Variants in AFG2A observed in about 807,000 individuals in gnomAD.
AFG2A encodes ATPase family gene 2 protein homolog A.
chr4:123,039,924 T>G, the AFG2A span, among the ~76,000 whole-genome samples: 1 of 152,124 alleles, frequency 6.6e-6, no homozygotes, highest in Non-Finnish European at 1.5e-5. Context: ...ACTTATTTCT[T>G]TGACTAGCCC....
chr4:123,295,493 T>C, the AFG2A span, among the ~76,000 whole-genome samples: 1 of 152,238 alleles, frequency 6.6e-6, no homozygotes, highest in Non-Finnish European at 1.5e-5. Context: ...TAAACTATGC[T>C]CCTATAAAAG....
At chr4:123,082,669 T>C in the AFG2A span, among the ~76,000 whole-genome samples, 1 of 152,128 alleles carries the variant, frequency 6.6e-6, no homozygotes, top group African/African-American at 2.4e-5. Context: ...CCTCTCAGTA[T>C]AAACTTTATA....
At chr4:123,068,251 A>G in the AFG2A span, among the ~76,000 whole-genome samples, 1 of 152,004 alleles carries the variant, frequency 6.6e-6, no homozygotes, top group Non-Finnish European at 1.5e-5. Flanking sequence ...TGAAGCTTTG[A>G]AAGTCAGCCA....
At chr4:123,044,264 T>C in the AFG2A span, among the ~76,000 whole-genome samples, 1 of 152,266 alleles carries the variant, frequency 6.6e-6, no homozygotes, top group South Asian at 2.1e-4. Context: ...GTGGCTCTGG[T>C]GGTGGGTATT....
At chr4:123,015,382 G>A in the AFG2A span, among the ~76,000 whole-genome samples, 21 of 151,756 alleles carry the variant, frequency 1.4e-4, no homozygotes, top group Admixed American at 1.0e-3. Context: ...GAGTGGTGAT[G>A]ACTCTTAACG....
At chr4:123,055,091 A>G in the AFG2A span, among the ~76,000 whole-genome samples, 2 of 152,170 alleles carry the variant, frequency 1.3e-5, no homozygotes, top group African/African-American at 4.8e-5. Context: ...ATTGATTGCC[A>G]CAATCTCCCT....
the AFG2A span, among the ~76,000 whole-genome samples, chr4:123,004,145 T>G: frequency 2.6e-5 from 4 of 152,334 alleles, no homozygotes; most frequent in African/African-American, 9.6e-5. Flanking sequence ...GTGCGCCGTT[T>G]CCTAAGCCCG....
At chr4:123,075,695 C>T in the AFG2A span, among the ~76,000 whole-genome samples, 15 of 150,524 alleles carry the variant, frequency 1.0e-4, no homozygotes, top group Non-Finnish European at 1.9e-4. Flanking sequence ...TGGTGGCTCA[C>T]GCCTGTAATC....
chr4:123,125,200 G>A, the AFG2A span, among the ~76,000 whole-genome samples: 1 of 152,168 alleles, frequency 6.6e-6, no homozygotes, highest in South Asian at 2.1e-4. Flanking sequence ...GCCATCTCTT[G>A]AGACTGGACA....
chr4:122,933,070 T>G, the AFG2A span, among the ~76,000 whole-genome samples: 2,501 of 152,322 alleles, frequency 0.016, 71 homozygotes, highest in African/African-American at 0.058. Flanking sequence ...CATGTGTGTA[T>G]GTATGTGTTA....
At chr4:123,023,040 T>G in the AFG2A span, among the ~76,000 whole-genome samples, 12 of 114,680 alleles carry the variant, frequency 1.0e-4, no homozygotes, top group South Asian at 3.4e-4. Context: ...TGTTGTGGGG[T>G]TGGGGGAGGG....
chr4:123,197,821 T>A, the AFG2A span, among the ~76,000 whole-genome samples: 6 of 152,008 alleles, frequency 3.9e-5, no homozygotes, highest in African/African-American at 1.5e-4. Flanking sequence ...CCTTCATGGA[T>A]GTTTTAAGGG....
the AFG2A span, among the ~76,000 whole-genome samples, chr4:123,275,651 C>A: frequency 1.2e-3 from 189 of 152,176 alleles, no homozygotes; most frequent in Non-Finnish European, 2.4e-3. Context: ...TTCCTCCAAC[C>A]CCCTAGCCTC....
chr4:123,311,954 A>T, the AFG2A span, among the ~76,000 whole-genome samples: 1 of 152,160 alleles, frequency 6.6e-6, no homozygotes, highest in South Asian at 2.1e-4. Flanking sequence ...TCGCCATGTG[A>T]ATCAAAACCC....
chr4:123,293,271 C>T, the AFG2A span, among the ~76,000 whole-genome samples: 114 of 152,280 alleles, frequency 7.5e-4, no homozygotes, highest in African/African-American at 2.6e-3. Flanking sequence ...TTCACGAGCA[C>T]TGGGGCTGCC....
At chr4:123,044,678 A>G in the AFG2A span, among the ~76,000 whole-genome samples, 2 of 152,174 alleles carry the variant, frequency 1.3e-5, no homozygotes, top group African/African-American at 4.8e-5. Context: ...TTTTAAAATA[A>G]TACATCTTTT....
At chr4:123,263,998 CAT>C in the AFG2A span, among the ~76,000 whole-genome samples, 3 of 152,076 alleles carry the variant, frequency 2.0e-5, no homozygotes, top group African/African-American at 7.2e-5. Context: ...GAAATTGTGG[CAT>C]ATATATACAC....
the AFG2A span, chr4:122,947,613 T>A: frequency 8.2e-7 from 1 of 1,225,948 alleles, no homozygotes; most frequent in Non-Finnish European, 1.1e-6. Context: ...ATAAAATGTG[T>A]AATTTTTATT....
the AFG2A span, chr4:123,057,337 A>G: frequency 6.6e-7 from 1 of 1,526,554 alleles, no homozygotes; most frequent in South Asian, 1.1e-5. Context: ...ATGATGTTAC[A>G]TAATAATAGC....
Sources: allele counts gnomAD v4.1 joint callset (sites outside exome capture counted in the v4.1 genomes callset), GRCh38; gene constraint gnomAD v4.1.1; transcripts MANE v1.5; gene names NCBI Gene and HGNC (gene_info 2026-07-23, HGNC 2026-07-21).